UNC5D: variants seen among roughly 807,000 people sequenced by gnomAD.
UNC5D encodes the protein netrin receptor UNC5D.
A neutral mutation model predicts 105.4 loss-of-function variants in UNC5D; 39 were observed. That is an observed-to-expected ratio of 0.37 (90% CI 0.29 to 0.48). The LOEUF (loss-of-function observed/expected upper bound fraction) is 0.48, where lower values mean the gene tolerates loss of function less well. Among genes scored for constraint, UNC5D ranks in the 20% least tolerant of loss-of-function variants. The pLI, the probability that UNC5D is intolerant of heterozygous loss-of-function variation, is 0.98. For missense variants in UNC5D, 991 were observed against 1,202.4 expected (o/e 0.82, Z 2.60); for synonymous variants, 452 against 450.4 (o/e 1.00, Z -0.04).
intron 1 of UNC5D, among the ~76,000 whole-genome samples, chr8:35,474,599 C>T (rs187777242): frequency 1.3e-5 from 2 of 152,178 alleles, no homozygotes; most frequent in Admixed American, 6.5e-5. Flanking sequence ...AAGGGTGAAG[C>T]TGTGGGGCTT....
At chr8:35,598,644 G>C (rs1586214071) in intron 4 of UNC5D, among the ~76,000 whole-genome samples, 1 of 152,158 alleles carries the variant, frequency 6.6e-6, no homozygotes, top group Non-Finnish European at 1.5e-5. Context: ...GGGTAAGATA[G>C]GGCATCAACC....
At chr8:35,694,354 CT>C (rs758039301) in intron 7 of UNC5D, among the ~76,000 whole-genome samples, 2 of 152,106 alleles carry the variant, frequency 1.3e-5, no homozygotes, top group Admixed American at 1.3e-4. Flanking sequence ...CAGCTGTTTT[CT>C]TTTTGAGGTA....
intron 1 of UNC5D, among the ~76,000 whole-genome samples, chr8:35,370,827 G>A (rs1294670333): frequency 6.6e-6 from 1 of 152,156 alleles, no homozygotes; most frequent in Non-Finnish European, 1.5e-5. Context: ...GTAAAACAAT[G>A]TAGTCAACCA....
At chr8:35,744,595 T>G (rs1829914738) in intron 11 of UNC5D, among the ~76,000 whole-genome samples, 1 of 152,178 alleles carries the variant, frequency 6.6e-6, no homozygotes, top group African/African-American at 2.4e-5. Context: ...TTATAATTCT[T>G]TACTGCCATG....
intron 2 of UNC5D, 142 bp downstream of exon 2, chr8:35,549,652 G>T (rs747988424): frequency 1.3e-6 from 1 of 790,382 alleles, no homozygotes; most frequent in Non-Finnish European, 2.0e-6. Flanking sequence ...CATATAAGAT[G>T]CAATCCTTTT....
chr8:35,585,571 T>G (rs543964422), intron 3 of UNC5D, among the ~76,000 whole-genome samples: 8 of 151,930 alleles, frequency 5.3e-5, no homozygotes, highest in Non-Finnish European at 1.0e-4. Flanking sequence ...TACATATATA[T>G]TCATTCTAGA....
At chr8:35,251,661 T>A (rs907161144) in intron 1 of UNC5D, among the ~76,000 whole-genome samples, 1 of 152,206 alleles carries the variant, frequency 6.6e-6, no homozygotes, top group African/African-American at 2.4e-5. Flanking sequence ...GGTTAGAGAT[T>A]GTGCCATGTT....
rs564445678 is a variant in UNC5D, at chr8:35,746,206, G to C, written c.1767-2321G>C. Among the ~76,000 whole-genome samples the C allele has an allele frequency of 3.3e-5, 5 of 152,242 alleles. No individual in the cohort carries two copies. The East Asian group carries it at 9.7e-4, about 29-fold the overall frequency. On this transcript the variant is annotated intron_variant, in intron 11 of 16. Transcript: ENST00000404895. ...CAAGAGCCTGTGAGTGAGAAATTTT[G>C]GGTTATTTTCCTGCCATCACCTTGA...
chr8:35,672,432 G>A (rs957155917), intron 4 of UNC5D, among the ~76,000 whole-genome samples: 2 of 152,176 alleles, frequency 1.3e-5, no homozygotes, highest in South Asian at 4.2e-4. Context: ...AAGATGAAAG[G>A]GCACATCACA....
intron 1 of UNC5D, among the ~76,000 whole-genome samples, chr8:35,429,104 T>G (rs1273254660): frequency 6.6e-6 from 1 of 152,180 alleles, no homozygotes; most frequent in Admixed American, 6.5e-5. Context: ...TCATTTAAAT[T>G]GTATAGAACA....
intron 1 of UNC5D, among the ~76,000 whole-genome samples, chr8:35,353,561 C>T (rs1812395826): frequency 6.6e-6 from 1 of 152,062 alleles, no homozygotes; most frequent in Admixed American, 6.6e-5. Context: ...ATATTGCATA[C>T]TAGCATACTA....
At chr8:35,376,557 G>C (rs1802710345) in intron 1 of UNC5D, among the ~76,000 whole-genome samples, 1 of 152,168 alleles carries the variant, frequency 6.6e-6, no homozygotes, top group Admixed American at 6.5e-5. Flanking sequence ...TGGAGGAGCA[G>C]ATGCCTTTTT....
At chr8:35,397,150 C>T (rs966287975) in intron 1 of UNC5D, among the ~76,000 whole-genome samples, 1 of 152,110 alleles carries the variant, frequency 6.6e-6, no homozygotes, top group Admixed American at 6.5e-5. Context: ...AGGTGATGTG[C>T]CAGCCTTGGT....
chr8:35,487,698 G>A (rs1228630011), intron 1 of UNC5D, among the ~76,000 whole-genome samples: 1 of 151,986 alleles, frequency 6.6e-6, no homozygotes, highest in Admixed American at 6.6e-5. Context: ...ATGCGGAGTG[G>A]CTTTGGAACT....
chr8:35,451,563 G>T (rs1808155035), intron 1 of UNC5D, among the ~76,000 whole-genome samples: 1 of 152,098 alleles, frequency 6.6e-6, no homozygotes, highest in African/African-American at 2.4e-5. Flanking sequence ...GCAGTAGGTG[G>T]TTGAGCTAAG....
intron 1 of UNC5D, among the ~76,000 whole-genome samples, chr8:35,281,422 CTTT>C (rs10601544): frequency 6.2e-4 from 88 of 142,164 alleles, no homozygotes; most frequent in East Asian, 8.3e-4. Flanking sequence ...CTTTTTTTTT[CTTT>C]TTTTTTTTTT....
chr8:35,446,172 C>G (rs879508529), intron 1 of UNC5D, among the ~76,000 whole-genome samples: 1 of 151,808 alleles, frequency 6.6e-6, no homozygotes. Context: ...CACACTTTCC[C>G]CCCGAGTCCT....
intron 1 of UNC5D, among the ~76,000 whole-genome samples, chr8:35,405,939 A>G (rs1241428716): frequency 1.3e-5 from 2 of 152,212 alleles, no homozygotes; most frequent in African/African-American, 2.4e-5. Flanking sequence ...GCTGTATTCT[A>G]GGTTTGCAGA....
intron 7 of UNC5D, among the ~76,000 whole-genome samples, chr8:35,690,262 G>A (rs1056681204): frequency 1.3e-5 from 2 of 152,142 alleles, no homozygotes; most frequent in Non-Finnish European, 2.9e-5. Context: ...AGTGGGAAAC[G>A]GGTGTGTTTG....
Sources: gnomAD v4.1 joint callset for allele counts (sites outside exome capture counted in the v4.1 genomes callset) on GRCh38, gnomAD v4.1.1 for gene constraint, MANE v1.5 for transcripts, NCBI Gene and HGNC (gene_info 2026-07-23, HGNC 2026-07-21) for gene names.